CTNNA2: variants seen among roughly 807,000 people sequenced by gnomAD.
CTNNA2 encodes catenin alpha-2.
In CTNNA2, 42 loss-of-function variants were observed where a neutral mutation model predicts 101.0. The ratio of observed to expected loss-of-function variants is 0.42; its 90% CI spans 0.32 to 0.54. The LOEUF is 0.54. CTNNA2 is among the 20% of genes least tolerant of loss of function. The pLI is 0.14. For missense variants in CTNNA2, 871 were observed against 1,223.1 expected (o/e 0.71, Z 4.29); for synonymous variants, 450 against 456.4 (o/e 0.99, Z 0.18).
intron 3 of CTNNA2, among the ~76,000 whole-genome samples, chr2:79,790,347 A>C (rs1211469558): frequency 1.3e-5 from 2 of 152,176 alleles, no homozygotes; most frequent in African/African-American, 4.8e-5. Flanking sequence ...CAAAGGACGC[A>C]GAAAGGGTGA....
Position 80,514,459 on chromosome 2 carries a change from G to A in CTNNA2, c.1291-30523G>A, listed in dbSNP as rs539204420. Among the ~76,000 whole-genome samples, 20 of 152,306 alleles carry A rather than the reference G, an allele frequency of 1.3e-4. No individual in the cohort carries two copies. In the South Asian group the frequency reaches 2.5e-3, roughly 19 times the overall value. ...CCGCCTTCTACCAATGAGTGCAAAC[G>A]GCCAGTGTGACAGCCTTTTCTGGGT... On this transcript the variant is annotated intron_variant, in intron 9 of 18. Transcript: ENST00000402739.
chr2:79,518,795 A>G (rs1444854262), intron 1 of CTNNA2, among the ~76,000 whole-genome samples: 1 of 152,220 alleles, frequency 6.6e-6, no homozygotes, highest in African/African-American at 2.4e-5. Flanking sequence ...TTTCCGGGAA[A>G]GGGTATCCTA....
At chr2:79,887,832 T>C (rs964394650) in intron 6 of CTNNA2, among the ~76,000 whole-genome samples, 3 of 152,152 alleles carry the variant, frequency 2.0e-5, no homozygotes, top group African/African-American at 7.2e-5. Context: ...TCCAAATTTA[T>C]TTCTTCTTTT....
At chr2:80,113,533 C>T (rs1701340811) in intron 7 of CTNNA2, among the ~76,000 whole-genome samples, 1 of 152,184 alleles carries the variant, frequency 6.6e-6, no homozygotes, top group East Asian at 1.9e-4. Flanking sequence ...AAATCTGGCC[C>T]ACCACCTGTT....
chr2:80,060,731 C>A lies in CTNNA2; in HGVS notation c.1056+150934C>A, dbSNP rs762485147. ...TTCAAAACACACCCTAAATGTCCAA[C>A]AAGAAGACAGTGGATACATGAATTA... On this transcript the variant is annotated intron_variant, in intron 7 of 18. Coordinates refer to ENST00000402739, the MANE Select transcript of CTNNA2 (RefSeq NM_001282597.3). Among the ~76,000 whole-genome samples, 11 of 152,120 alleles carry A rather than the reference C, an allele frequency of 7.2e-5. No individual in the cohort carries two copies. In the East Asian group the frequency reaches 2.1e-3, roughly 29 times the overall value.
intron 7 of CTNNA2, among the ~76,000 whole-genome samples, chr2:79,994,284 C>T (rs190086540): frequency 3.9e-5 from 6 of 152,302 alleles, no homozygotes; most frequent in Non-Finnish European, 4.4e-5. Flanking sequence ...AGCCACAGAC[C>T]CGTCCTGGGA....
chr2:79,585,202 A>T (rs950472280), intron 1 of CTNNA2, among the ~76,000 whole-genome samples: 1 of 151,376 alleles, frequency 6.6e-6, no homozygotes, highest in African/African-American at 2.4e-5. Context: ...TCTGTATGTT[A>T]ATGTTTACAT....
chr2:80,397,607 A>G (rs1395330186), intron 8 of CTNNA2, among the ~76,000 whole-genome samples: 1 of 152,150 alleles, frequency 6.6e-6, no homozygotes, highest in Non-Finnish European at 1.5e-5. Flanking sequence ...GCCGTGTATG[A>G]TGTGACTTTG....
rs186782578 is a variant in CTNNA2 at position 80,538,143 on chromosome 2, T to C, written c.1291-6839T>C. Among the ~76,000 whole-genome samples, 15 of 131,298 alleles carry C rather than the reference T, an allele frequency of 1.1e-4. No homozygotes were observed. The East Asian group carries it at 2.9e-3, about 25-fold the overall frequency. 86.1% of individuals were successfully genotyped at this position (131,298 alleles called of 152,430 possible). ...ATTAGATCTTTGTCAGATGGGTAGA[T>C]TGCAAAAATTTTCTCTCATTCTTTA... is the stretch of plus-strand genomic sequence containing the variant. On this transcript the variant is annotated intron_variant, in intron 9 of 18. Transcript: ENST00000402739.
chr2:80,388,285 G>C (rs1277470274), intron 7 of CTNNA2, among the ~76,000 whole-genome samples: 2 of 152,136 alleles, frequency 1.3e-5, no homozygotes, highest in East Asian at 3.9e-4. Context: ...TATCTTTGAG[G>C]GGAATGAGGA....
At chr2:80,102,413 C>A (rs946264378) in intron 7 of CTNNA2, among the ~76,000 whole-genome samples, 5 of 152,170 alleles carry the variant, frequency 3.3e-5, no homozygotes, top group African/African-American at 1.2e-4. Context: ...CCTACAGGTC[C>A]CTGGTGCTTC....
At chr2:79,704,289 C>G (rs1440231453) in intron 2 of CTNNA2, among the ~76,000 whole-genome samples, 1 of 152,156 alleles carries the variant, frequency 6.6e-6, no homozygotes, top group African/African-American at 2.4e-5. Context: ...AGACATGTGA[C>G]TTCTTTTCTT....
intron 7 of CTNNA2, among the ~76,000 whole-genome samples, chr2:80,307,595 G>A (rs1677152883): frequency 6.6e-6 from 1 of 152,140 alleles, no homozygotes; most frequent in Non-Finnish European, 1.5e-5. Context: ...GCTATTGCAT[G>A]TACTGGATCA....
chr2:80,567,836 C>T (rs2149687971), intron 12 of CTNNA2, among the ~76,000 whole-genome samples: 1 of 152,180 alleles, frequency 6.6e-6, no homozygotes, highest in South Asian at 2.1e-4. Context: ...AATTCCATCC[C>T]TGTCGTGATA....
chr2:79,620,706 G>T (rs778983905), intron 1 of CTNNA2, among the ~76,000 whole-genome samples: 8 of 152,156 alleles, frequency 5.3e-5, no homozygotes, highest in Non-Finnish European at 1.2e-4. Flanking sequence ...GGGTAAACCA[G>T]TGCCCAAATC....
At chr2:79,534,350 C>T (rs1327184790) in intron 1 of CTNNA2, among the ~76,000 whole-genome samples, 1 of 152,038 alleles carries the variant, frequency 6.6e-6, no homozygotes, top group East Asian at 1.9e-4. Flanking sequence ...GCTTAAGGAT[C>T]CTAAGAGTAT....
intron 3 of CTNNA2, among the ~76,000 whole-genome samples, chr2:79,368,460 A>G (rs935907922): frequency 6.6e-6 from 1 of 152,176 alleles, no homozygotes; most frequent in African/African-American, 2.4e-5. Context: ...TCTTCCCGGC[A>G]TTTCACCATG....
At chr2:80,641,659 C>G (rs1436106759) in intron 18 of CTNNA2, among the ~76,000 whole-genome samples, 2 of 152,052 alleles carry the variant, frequency 1.3e-5, no homozygotes, top group Non-Finnish European at 2.9e-5. Flanking sequence ...AGGAAGTTCA[C>G]CATTCTGAAG....
At chr2:79,867,576 T>A (rs900280257) in intron 4 of CTNNA2, among the ~76,000 whole-genome samples, 1 of 152,188 alleles carries the variant, frequency 6.6e-6, no homozygotes, top group Non-Finnish European at 1.5e-5. Context: ...GCATGTAACT[T>A]AAGTTTACCT....
Sources: gnomAD v4.1 joint callset for allele counts (sites outside exome capture counted in the v4.1 genomes callset) on GRCh38, gnomAD v4.1.1 for gene constraint, MANE v1.5 for transcripts, NCBI Gene and HGNC (gene_info 2026-07-23, HGNC 2026-07-21) for gene names.